The following SYN2 variants were observed in gnomAD, a reference collection of about 807,000 sequenced individuals.
The protein encoded by SYN2 is synapsin-2.
Under a neutral mutation model 50.9 loss-of-function variants are expected in SYN2, and 19 were observed. The observed-to-expected ratio is 0.37, with a 90% confidence interval of 0.26 to 0.55. The LOEUF (loss-of-function observed/expected upper bound fraction) is 0.55. Ranked by LOEUF, SYN2 falls within the 20% of genes least tolerant of loss-of-function variation. The pLI is 0.81. For missense variants in SYN2, 587 were observed against 576.4 expected (o/e 1.02, Z -0.19); for synonymous variants, 255 against 224.9 (o/e 1.13, Z -1.20).
chr3:12,089,091 A>C (rs1242299859), intron 1 of SYN2, among the ~76,000 whole-genome samples: 1 of 152,246 alleles, frequency 6.6e-6, no homozygotes, highest in African/African-American at 2.4e-5. Context: ...TCTTTCTGCA[A>C]CATATACACA....
chr3:12,107,404 T>A (rs1273820334), intron 1 of SYN2, among the ~76,000 whole-genome samples: 2 of 152,232 alleles, frequency 1.3e-5, no homozygotes, highest in Non-Finnish European at 2.9e-5. Context: ...TAATAACATT[T>A]GCTCGGTCCT....
intron 1 of SYN2, among the ~76,000 whole-genome samples, chr3:12,010,209 G>A (rs1693887685): frequency 1.3e-5 from 2 of 152,292 alleles, no homozygotes; most frequent in Non-Finnish European, 2.9e-5. Flanking sequence ...CTTCCCTTCA[G>A]GAACCCATTT....
rs1446593854 is a variant in SYN2, at chr3:12,183,271, C to T, written c.1309-41C>T. ...GTGGTTTCTCTTTGGAATTCAGTGG[C>T]TTGGAGTTTTGTTTTTATCTCTTAC... On this transcript the variant is annotated intron_variant, in intron 10 of 12. Transcript: ENST00000621198. 6.9e-6 allele frequency: 11 copies of T among 1,583,108 alleles called. No homozygotes were observed. In the East Asian group the frequency reaches 2.5e-4, roughly 36 times the overall value.
chr3:12,086,169 C>T (rs1401308438), intron 1 of SYN2, among the ~76,000 whole-genome samples: 1 of 151,942 alleles, frequency 6.6e-6, no homozygotes, highest in African/African-American at 2.4e-5. Flanking sequence ...TAAGATGAAT[C>T]AAGAAGAAAT....
chr3:12,034,754 C>T (rs1694458798), intron 1 of SYN2, among the ~76,000 whole-genome samples: 1 of 152,206 alleles, frequency 6.6e-6, no homozygotes, highest in South Asian at 2.1e-4. Context: ...TTAGGCCCAC[C>T]TCATAACACT....
At chr3:12,027,805 G>A (rs925971225) in intron 1 of SYN2, among the ~76,000 whole-genome samples, 1 of 152,106 alleles carries the variant, frequency 6.6e-6, no homozygotes, top group Non-Finnish European at 1.5e-5. Context: ...GAATGATTGT[G>A]CTATTAATAT....
intron 1 of SYN2, among the ~76,000 whole-genome samples, chr3:12,064,791 G>A (rs1358282380): frequency 6.6e-6 from 1 of 152,032 alleles, no homozygotes; most frequent in Non-Finnish European, 1.5e-5. Context: ...AATGTGAAAT[G>A]GTGCACTTGG....
intron 1 of SYN2, among the ~76,000 whole-genome samples, chr3:12,036,767 A>G (rs996398922): frequency 3.3e-5 from 5 of 152,194 alleles, no homozygotes; most frequent in African/African-American, 1.2e-4. Flanking sequence ...CATCCTTAGT[A>G]TTCTCTCCTG....
chr3:12,070,410 TG>T (rs754639250), intron 1 of SYN2: 37 of 538,546 alleles, frequency 6.9e-5, no homozygotes, highest in Non-Finnish European at 1.3e-4. Context: ...AGAGCAAGCA[TG>T]GCATCCTGAC....
At chr3:12,122,710 C>T (rs116297124) in intron 1 of SYN2, among the ~76,000 whole-genome samples, 3 of 152,112 alleles carry the variant, frequency 2.0e-5, no homozygotes, top group East Asian at 1.9e-4. Flanking sequence ...AATCTGAGGC[C>T]CCATAAGTCA....
At chr3:12,182,928 G>A (rs1384967384) in intron 10 of SYN2, among the ~76,000 whole-genome samples, 1 of 152,250 alleles carries the variant, frequency 6.6e-6, no homozygotes, top group African/African-American at 2.4e-5. Context: ...CCTTTAGACA[G>A]CCAGGCCTGT....
At chr3:12,091,437 T>C (rs991043470) in intron 1 of SYN2, among the ~76,000 whole-genome samples, 4 of 152,138 alleles carry the variant, frequency 2.6e-5, no homozygotes, top group African/African-American at 7.2e-5. Context: ...ATTAATCAGC[T>C]ATGGAGAGAT....
chr3:12,143,753 G>T (rs2125218330), intron 3 of SYN2, among the ~76,000 whole-genome samples: 1 of 152,268 alleles, frequency 6.6e-6, no homozygotes, highest in Non-Finnish European at 1.5e-5. Context: ...AAACATATGA[G>T]TACGGGTGTC....
At chr3:12,022,643 C>T (rs544033711) in intron 1 of SYN2, among the ~76,000 whole-genome samples, 36 of 152,064 alleles carry the variant, frequency 2.4e-4, no homozygotes, top group African/African-American at 7.2e-4. Context: ...CTCTTGACCT[C>T]GTGATCTACC....
intron 1 of SYN2, among the ~76,000 whole-genome samples, chr3:12,080,990 T>G (rs2125174147): frequency 6.6e-6 from 1 of 152,310 alleles, no homozygotes; most frequent in Non-Finnish European, 1.5e-5. Flanking sequence ...AAAATATAAT[T>G]AATTAGTTAT....
chr3:12,100,122 C>T (rs1035358100), intron 1 of SYN2, among the ~76,000 whole-genome samples: 3 of 151,918 alleles, frequency 2.0e-5, no homozygotes, highest in Non-Finnish European at 4.4e-5. Flanking sequence ...TTTTTTATTG[C>T]AGAAATTGAC....
chr3:12,043,810 C>T (rs1320313705), intron 1 of SYN2, among the ~76,000 whole-genome samples: 1 of 152,166 alleles, frequency 6.6e-6, no homozygotes, highest in East Asian at 1.9e-4. Flanking sequence ...ACCTATTTCT[C>T]ACCTACTATA....
At chr3:12,153,261 A>G (rs1697356766) in intron 5 of SYN2, 1 of 555,376 alleles carries the variant, frequency 1.8e-6, no homozygotes, top group South Asian at 2.0e-5. Flanking sequence ...AAAACAGACT[A>G]AGCCAGAAGA....
At chr3:12,089,680 A>T (rs1695783861) in intron 1 of SYN2, among the ~76,000 whole-genome samples, 1 of 152,082 alleles carries the variant, frequency 6.6e-6, no homozygotes, top group African/African-American at 2.4e-5. Context: ...ATCTAGCAGG[A>T]ATAGTTAATT....
Sources: allele counts gnomAD v4.1 joint callset (sites outside exome capture counted in the v4.1 genomes callset), GRCh38; gene constraint gnomAD v4.1.1; transcripts MANE v1.5; gene names NCBI Gene and HGNC (gene_info 2026-07-23, HGNC 2026-07-21).